PCDHA1: variants seen among roughly 807,000 people sequenced by gnomAD.
PCDHA1 encodes protocadherin alpha-1.
PCDHA1 carries 42 observed loss-of-function variants against 61.3 expected under a neutral mutation model. That is an observed-to-expected ratio of 0.69 (90% CI 0.54 to 0.89). The LOEUF is 0.89. Among genes scored for constraint, PCDHA1 ranks in the 40% least tolerant of loss-of-function variants. The pLI, the probability that PCDHA1 is intolerant of heterozygous loss-of-function variation, is 0.00. For missense variants in PCDHA1, 1,256 were observed against 1,235.3 expected, an observed-to-expected ratio of 1.02 and a Z score of -0.25; for synonymous variants, 610 against 553.8, an observed-to-expected ratio of 1.10 and a Z score of -1.43.
chr5:140,877,727 A>C, intron 1 of PCDHA1: 1 of 1,614,136 alleles, frequency 6.2e-7, no homozygotes, highest in South Asian at 1.1e-5. Flanking sequence ...TCTTACTCGC[A>C]GCAGAGGAGG....
chr5:140,941,255 C>CTTTCTTTCTTTCTTTCTTTCTT (rs782490896), intron 1 of PCDHA1, among the ~76,000 whole-genome samples: 2 of 44,508 alleles, frequency 4.5e-5, no homozygotes, highest in African/African-American at 1.4e-4. Context: ...TTCTTTCTTT[C>CTTTCTTTCTTTCTTTCTTTCTT]TCTTTCTTTC....
intron 1 of PCDHA1, among the ~76,000 whole-genome samples, chr5:140,941,214 C>CCTTTCTTTCTTCCTTT (rs2092876516): frequency 8.2e-6 from 1 of 122,414 alleles, no homozygotes; most frequent in Non-Finnish European, 1.7e-5. Context: ...TTTCTTTCTT[C>CCTTTCTTTCTTCCTTT]CTTTCTTTCT....
chr5:140,796,339 G>C, intron 1 of PCDHA1: 3 of 1,611,516 alleles, frequency 1.9e-6, no homozygotes, highest in Non-Finnish European at 2.5e-6. Context: ...CGCACAGCCT[G>C]AGTACACAGT....
At chr5:140,791,672 A>G (rs886395739) in intron 1 of PCDHA1, among the ~76,000 whole-genome samples, 16 of 152,220 alleles carry the variant, frequency 1.1e-4, no homozygotes, top group Non-Finnish European at 2.4e-4. Context: ...CAGATTAGAT[A>G]ACTTGAATTC....
chr5:140,829,358 T>C (rs2150166463), intron 1 of PCDHA1: 4 of 1,614,154 alleles, frequency 2.5e-6, no homozygotes, highest in Admixed American at 1.7e-5. Context: ...GGCCTATGAG[T>C]TGGTGGTAAC....
chr5:140,918,403 C>G (rs192008600), intron 1 of PCDHA1, among the ~76,000 whole-genome samples: 1 of 152,278 alleles, frequency 6.6e-6, no homozygotes, highest in African/African-American at 2.4e-5. Flanking sequence ...CCTGATTTCT[C>G]TGGCCAGGAC....
chr5:140,901,459 C>G (rs528238941), intron 1 of PCDHA1, among the ~76,000 whole-genome samples: 1 of 152,160 alleles, frequency 6.6e-6, no homozygotes, highest in South Asian at 2.1e-4. Flanking sequence ...CACAGACTGT[C>G]TTTTCTCGAG....
At chr5:140,914,166 G>A (rs183790385) in intron 1 of PCDHA1, among the ~76,000 whole-genome samples, 2 of 152,250 alleles carry the variant, frequency 1.3e-5, no homozygotes, top group African/African-American at 2.4e-5. Context: ...TACGGAAAGT[G>A]GGGTGTTGAA....
rs2098423382 is a variant in PCDHA1, at chr5:141,012,241, T to C, written c.*2304T>C. On this transcript the variant is annotated 3_prime_UTR_variant, in exon 4 of 4. Coordinates refer to ENST00000504120, the MANE Select transcript of PCDHA1 (RefSeq NM_018900.4). ...GTGCTTTCCAATCCATGTTAGTTAC[T>C]AGTTATTACAGCTGTAAGGATAAAA... 6.5e-6 allele frequency: 1 copy of C among 153,802 alleles called. No homozygotes were observed. The highest frequency in any genetic ancestry group is 6.5e-5 in the Admixed American group (1 of 15,284). The allele number at this position is 153,802 out of a possible 1,614,324, so 9.5% of individuals were successfully genotyped here.
At chr5:140,993,521 G>A (rs1554253818) in intron 3 of PCDHA1, among the ~76,000 whole-genome samples, 1 of 151,130 alleles carries the variant, frequency 6.6e-6, no homozygotes, top group African/African-American at 2.4e-5. Context: ...GGGAGAGAGA[G>A]ACAGAGAGAG....
intron 1 of PCDHA1, chr5:140,868,981 G>A: frequency 2.0e-6 from 3 of 1,492,274 alleles, no homozygotes; most frequent in South Asian, 2.8e-5. Flanking sequence ...CATCATACCG[G>A]ATGCCACCGT....
At chr5:140,841,819 C>G (rs781814200) in intron 1 of PCDHA1, 3 of 1,613,874 alleles carry the variant, frequency 1.9e-6, no homozygotes, top group Non-Finnish European at 2.5e-6. Flanking sequence ...GAGCTAACTC[C>G]GTGTTAACCT....
chr5:140,917,152 G>A (rs1407958115), intron 1 of PCDHA1, among the ~76,000 whole-genome samples: 1 of 152,012 alleles, frequency 6.6e-6, no homozygotes, highest in Admixed American at 6.6e-5. Context: ...GCTGCTGGGG[G>A]ATATGGGAGG....
At chr5:141,001,974 C>T (rs1375819013) in intron 3 of PCDHA1, among the ~76,000 whole-genome samples, 1 of 152,136 alleles carries the variant, frequency 6.6e-6, no homozygotes, top group African/African-American at 2.4e-5. Flanking sequence ...TGTCTCTGCG[C>T]GGAAAGCCTG....
rs530119651 is a variant in PCDHA1, at chr5:140,965,991, T to A, written c.2395-12958T>A. ...CCTAGGAGTTGAGCACTTTCTGCAG[T>A]ACTTAAGAGTGTCCAGGGAAGATGT... On this transcript the variant is annotated intron_variant, in intron 1 of 3. Transcript: ENST00000504120. Among the ~76,000 whole-genome samples, 253 of 152,310 alleles carry A rather than the reference T, an allele frequency of 1.7e-3. 2 individuals carry two copies. Among genetic ancestry groups the A allele is most frequent in the Non-Finnish European group, 2.4e-3 (164 of 68,034 alleles).
chr5:140,984,428 G>A (rs2097103075), intron 3 of PCDHA1, among the ~76,000 whole-genome samples: 1 of 152,100 alleles, frequency 6.6e-6, no homozygotes, highest in African/African-American at 2.4e-5. Context: ...ATAGAGAAGG[G>A]GATCTCCCTT....
chr5:140,790,266 A>G (rs7720045), intron 1 of PCDHA1, among the ~76,000 whole-genome samples: 6,582 of 152,256 alleles, frequency 0.043, 464 homozygotes, highest in African/African-American at 0.15. Flanking sequence ...ACATCATTGT[A>G]TTTGGTAGTC....
At chr5:140,800,398 C>T (rs1297810590) in intron 1 of PCDHA1, among the ~76,000 whole-genome samples, 1 of 152,046 alleles carries the variant, frequency 6.6e-6, no homozygotes, top group African/African-American at 2.4e-5. Flanking sequence ...ATTTAAAAAA[C>T]CATAAATGTA....
At chr5:140,992,605 A>C (rs2097521923) in intron 3 of PCDHA1, among the ~76,000 whole-genome samples, 1 of 152,166 alleles carries the variant, frequency 6.6e-6, no homozygotes, top group South Asian at 2.1e-4. Flanking sequence ...TCTGTGTCTA[A>C]GTGAAAGCAG....
Sources: allele counts gnomAD v4.1 joint callset (sites outside exome capture counted in the v4.1 genomes callset), GRCh38; gene constraint gnomAD v4.1.1; transcripts MANE v1.5; gene names NCBI Gene and HGNC (gene_info 2026-07-23, HGNC 2026-07-21).